The following ADGB variants were observed in gnomAD, a reference collection of about 807,000 sequenced individuals.
ADGB encodes the protein androglobin, also known as calpain-7-like protein.
Under a neutral mutation model 210.5 loss-of-function variants are expected in ADGB, and 172 were observed. The ratio of observed to expected loss-of-function variants is 0.82; its 90% CI spans 0.72 to 0.93. The LOEUF (loss-of-function observed/expected upper bound fraction) is 0.93. ADGB is among the 40% of genes least tolerant of loss of function. ADGB has a pLI of 0.00. For missense variants in ADGB, 2,025 were observed against 1,964.8 expected (o/e 1.03, Z -0.58); for synonymous variants, 658 against 662.7 (o/e 0.99, Z 0.11).
At chr6:146,771,230 C>T (rs546474597) in intron 29 of ADGB, among the ~76,000 whole-genome samples, 1 of 152,086 alleles carries the variant, frequency 6.6e-6, no homozygotes, top group African/African-American at 2.4e-5. Context: ...GCCCAGTTCC[C>T]TTCTCTGGGT....
chr6:146,768,837 C>T (rs1777612654), intron 28 of ADGB, among the ~76,000 whole-genome samples, 183 bp from the exon 29 acceptor site: 1 of 152,056 alleles, frequency 6.6e-6, no homozygotes, highest in South Asian at 2.1e-4. Context: ...GGATGTGGGG[C>T]TATTAAACTT....
chr6:146,731,958 T>C (rs1380134953), intron 20 of ADGB, among the ~76,000 whole-genome samples: 1 of 152,110 alleles, frequency 6.6e-6, no homozygotes. Context: ...CAGGCCTGTG[T>C]GTTTTAACTA....
At chr6:146,771,567 T>TGGCCCCC (rs890389166) in intron 29 of ADGB, among the ~76,000 whole-genome samples, 11 of 151,938 alleles carry the variant, frequency 7.2e-5, no homozygotes, top group Admixed American at 7.2e-4. Flanking sequence ...CCCTGGCCCC[T>TGGCCCCC]GGCCCCCACC....
chr6:146,649,665 A>AT (rs1775671529), intron 3 of ADGB, among the ~76,000 whole-genome samples: 2 of 151,578 alleles, frequency 1.3e-5, no homozygotes, highest in East Asian at 1.9e-4. Flanking sequence ...TAATTTTTCT[A>AT]TTTTTTGTAG....
intron 10 of ADGB, among the ~76,000 whole-genome samples, chr6:146,687,264 GC>G (rs1371540686): frequency 6.6e-6 from 1 of 152,076 alleles, no homozygotes; most frequent in Non-Finnish European, 1.5e-5. Context: ...CAAGCCTCTT[GC>G]TAAGATTAGG....
intron 9 of ADGB, among the ~76,000 whole-genome samples, chr6:146,679,703 C>A (rs1776131459): frequency 6.6e-6 from 1 of 152,174 alleles, no homozygotes; most frequent in African/African-American, 2.4e-5. Context: ...CTCTCGATAT[C>A]TATGAATACT....
chr6:146,747,466 G>T (rs541696014), intron 26 of ADGB, among the ~76,000 whole-genome samples: 9 of 152,290 alleles, frequency 5.9e-5, no homozygotes, highest in South Asian at 2.1e-4. Context: ...GGAAGGTGAA[G>T]AGGGAGCTGC....
In ADGB at chr6:146,752,517, T is replaced by G; in HGVS notation, c.3366-13T>G. 3 of 1,527,128 alleles carry G rather than the reference T, an allele frequency of 2.0e-6. No homozygotes were observed. The highest frequency in any genetic ancestry group is 2.6e-6 in the Non-Finnish European group (3 of 1,135,782). 94.6% of individuals were successfully genotyped at this position (1,527,128 alleles called of 1,614,324 possible). On this transcript the variant is annotated splice_polypyrimidine_tract_variant and intron_variant, in intron 26 of 35. Coordinates refer to ENST00000397944, the MANE Select transcript of ADGB (RefSeq NM_024694.4). ...ACATACTTGCTTATAATGTTAACTT[T>G]TTTTCTTTACAGGTATTCGGTTAAA...
At chr6:146,674,497 C>A (rs1318954844) in intron 8 of ADGB, among the ~76,000 whole-genome samples, 1 of 152,088 alleles carries the variant, frequency 6.6e-6, no homozygotes, top group African/African-American at 2.4e-5. Context: ...CTCCTCCATT[C>A]TCATAGGTGG....
At chr6:146,741,078 A>G (rs1777157789) in intron 24 of ADGB, 40 bp from the exon 25 acceptor site, 1 of 1,422,244 alleles carries the variant, frequency 7.0e-7, no homozygotes, top group Admixed American at 3.1e-5. Context: ...TTCCTTTAAG[A>G]ATTCACATCA....
intron 1 of ADGB, among the ~76,000 whole-genome samples, chr6:146,604,281 C>T (rs974881694): frequency 1.3e-5 from 2 of 152,124 alleles, no homozygotes; most frequent in African/African-American, 4.8e-5. Context: ...TAAAAGCCAC[C>T]CCACTTGTCT....
At chr6:146,727,983 G>T (rs1776922158) in intron 19 of ADGB, among the ~76,000 whole-genome samples, 1 of 152,106 alleles carries the variant, frequency 6.6e-6, no homozygotes, top group Admixed American at 6.5e-5. Context: ...AAGTTGTTTT[G>T]TTTTGTTTTG....
At chr6:146,802,045 G>T in intron 35 of ADGB, 34 bp downstream of exon 35, 1 of 1,368,532 alleles carries the variant, frequency 7.3e-7, no homozygotes, top group South Asian at 1.9e-5. Context: ...GATTATAGTT[G>T]GCAAATTCTT....
chr6:146,661,516 C>A (rs548466878), intron 5 of ADGB, among the ~76,000 whole-genome samples: 1 of 152,054 alleles, frequency 6.6e-6, no homozygotes, highest in Non-Finnish European at 1.5e-5. Context: ...CCACACCCAA[C>A]CACTGATATA....
At chr6:146,624,771 C>T (rs914454714) in intron 1 of ADGB, among the ~76,000 whole-genome samples, 1 of 151,756 alleles carries the variant, frequency 6.6e-6, no homozygotes, top group Non-Finnish European at 1.5e-5. Context: ...TTTTAATTTG[C>T]TGTGTTTTCA....
Position 146,752,686 on chromosome 6 carries a change from G to A in ADGB, c.3522G>A (p.Leu1174=). The change falls in exon 27 of 36, where the codon TTG becomes TTA. Residue 1174 remains leucine (L), a synonymous_variant. Coordinates refer to ENST00000397944, the MANE Select transcript of ADGB (RefSeq NM_024694.4). The stretch of plus-strand genomic sequence containing the variant: ...CTATAATCCCAGCATTTCACTTCTT[G>A]AAGAGTGAGAAAGGTTTGAGCTCCC... ...GQAIIPAFHF[L]KSEKGLSSQS... is the part of the protein sequence containing the mutation. 5 of 1,550,358 alleles carry A rather than the reference G, an allele frequency of 3.2e-6. No individual in the cohort carries two copies. Among genetic ancestry groups the A allele is most frequent in the Non-Finnish European group, 4.4e-6 (5 of 1,146,206 alleles).
chr6:146,780,386 C>G (rs138414436), intron 29 of ADGB, among the ~76,000 whole-genome samples: 3 of 152,228 alleles, frequency 2.0e-5, no homozygotes, highest in African/African-American at 7.2e-5. Flanking sequence ...AGTAAACTCT[C>G]AAGTTAAAAG....
intron 8 of ADGB, among the ~76,000 whole-genome samples, chr6:146,674,560 A>G (rs1466497229): frequency 2.0e-5 from 3 of 152,168 alleles, no homozygotes; most frequent in Admixed American, 6.6e-5. Context: ...CGGGTTTGGT[A>G]GGAGAAGATG....
chr6:146,761,832 C>T (rs941361619), intron 27 of ADGB, among the ~76,000 whole-genome samples: 4 of 152,112 alleles, frequency 2.6e-5, no homozygotes, highest in Admixed American at 2.6e-4. Context: ...CTGAAATCAA[C>T]ATATTGTCTA....
Sources: allele counts gnomAD v4.1 joint callset (sites outside exome capture counted in the v4.1 genomes callset), GRCh38; gene constraint gnomAD v4.1.1; transcripts MANE v1.5; gene names NCBI Gene and HGNC (gene_info 2026-07-23, HGNC 2026-07-21).